The following CLVS1 variants were observed in gnomAD, a reference collection of about 807,000 sequenced individuals.
CLVS1 encodes clavesin 1.
A neutral mutation model predicts 33.1 loss-of-function variants in CLVS1; 10 were observed. The ratio of observed to expected loss-of-function variants is 0.30; its 90% CI spans 0.19 to 0.51. The LOEUF (loss-of-function observed/expected upper bound fraction) is 0.51. CLVS1 is among the 20% of genes least tolerant of loss of function. CLVS1 has a pLI of 0.97. For missense variants in CLVS1, 343 were observed against 433.4 expected, an observed-to-expected ratio of 0.79 and a Z score of 1.85; for synonymous variants, 163 against 166.1, an observed-to-expected ratio of 0.98 and a Z score of 0.14.
chr8:61,238,139 TAAA>T (rs1175553711), intron 2 of CLVS1, among the ~76,000 whole-genome samples: 1 of 152,174 alleles, frequency 6.6e-6, no homozygotes, highest in Non-Finnish European at 1.5e-5. Context: ...ATTTAAGAAA[TAAA>T]GAAGCTATGA....
At chr8:61,171,124 A>T (rs1397618933) in intron 2 of CLVS1, among the ~76,000 whole-genome samples, 1 of 151,986 alleles carries the variant, frequency 6.6e-6, no homozygotes, top group Non-Finnish European at 1.5e-5. Context: ...TCATTTTGTT[A>T]GTTTTAAATT....
At chr8:61,477,477 C>A (rs965677691) in intron 5 of CLVS1, among the ~76,000 whole-genome samples, 1 of 152,154 alleles carries the variant, frequency 6.6e-6, no homozygotes, top group Non-Finnish European at 1.5e-5. Flanking sequence ...CAATTCAGAG[C>A]CTGTTATTGG....
the CLVS1 span, among the ~76,000 whole-genome samples, chr8:60,969,626 C>T: frequency 6.6e-6 from 1 of 152,080 alleles, no homozygotes; most frequent in African/African-American, 2.4e-5. Flanking sequence ...TCAGTTCAGT[C>T]AGTTGGCAGG....
At chr8:61,039,549 T>A in the CLVS1 span, among the ~76,000 whole-genome samples, 1 of 149,970 alleles carries the variant, frequency 6.7e-6, no homozygotes, top group African/African-American at 2.5e-5. Flanking sequence ...TAATTTGAAC[T>A]TTTTTTTTTC....
rs534815130 is a variant in CLVS1, at chr8:61,240,978, A to G, written c.-151-58699A>G. Among the ~76,000 whole-genome samples the G allele has an allele frequency of 5.4e-5, 8 of 148,874 alleles. No individual in the cohort carries two copies. The East Asian group carries it at 1.7e-3, about 32-fold the overall frequency. On this transcript the variant is annotated intron_variant, in intron 2 of 2. Coordinates refer to the CLVS1 transcript ENST00000522621. ...AACTACCATAGACTGGGTGGCTCAT[A>G]AACAGAAATTTATTTCTCACAGTTC...
the CLVS1 span, among the ~76,000 whole-genome samples, chr8:61,034,814 A>G: frequency 6.6e-6 from 1 of 152,198 alleles, no homozygotes; most frequent in Admixed American, 6.5e-5. Context: ...GAAGCAGAGG[A>G]CTTGAAAACA....
chr8:61,043,053 C>A, the CLVS1 span, among the ~76,000 whole-genome samples: 1 of 152,188 alleles, frequency 6.6e-6, no homozygotes, highest in Non-Finnish European at 1.5e-5. Flanking sequence ...CAACCCAAAG[C>A]ACCATCATCA....
At chr8:61,198,600 A>T (rs1241420229) in intron 2 of CLVS1, among the ~76,000 whole-genome samples, 2 of 152,038 alleles carry the variant, frequency 1.3e-5, no homozygotes, top group African/African-American at 4.8e-5. Context: ...GGCTGGTCTC[A>T]AAGTCCTGAC....
chr8:61,112,407 T>G (rs1805645664), intron 1 of CLVS1, among the ~76,000 whole-genome samples: 1 of 152,216 alleles, frequency 6.6e-6, no homozygotes, highest in Non-Finnish European at 1.5e-5. Flanking sequence ...TGGCCTATCA[T>G]TTTCTCTCCT....
chr8:61,300,914 G>C (rs968472157), intron 2 of CLVS1: 1 of 152,150 alleles, frequency 6.6e-6, no homozygotes, highest in Non-Finnish European at 1.5e-5. Context: ...TAACTTTCAA[G>C]TCCTACCACT....
At chr8:61,244,827 A>G (rs1054968014) in intron 2 of CLVS1, among the ~76,000 whole-genome samples, 1 of 152,144 alleles carries the variant, frequency 6.6e-6, no homozygotes, top group Non-Finnish European at 1.5e-5. Flanking sequence ...TTAATCTTTT[A>G]AAATTTTTAT....
At chr8:61,455,615 C>T (rs1817122026) in intron 4 of CLVS1, among the ~76,000 whole-genome samples, 1 of 152,134 alleles carries the variant, frequency 6.6e-6, no homozygotes, top group African/African-American at 2.4e-5. Context: ...TAGGTTGTAT[C>T]CATATCTTGG....
At chr8:61,328,811 C>T (rs574421238) in intron 2 of CLVS1, among the ~76,000 whole-genome samples, 6 of 152,264 alleles carry the variant, frequency 3.9e-5, no homozygotes, top group African/African-American at 7.2e-5. Flanking sequence ...TCCCCTCTAT[C>T]CTCATCCTGC....
At chr8:61,471,610 G>A (rs532898575) in intron 5 of CLVS1, among the ~76,000 whole-genome samples, 2 of 152,218 alleles carry the variant, frequency 1.3e-5, no homozygotes, top group South Asian at 4.1e-4. Context: ...CACGTTGGGA[G>A]CGGGCCACAG....
intron 2 of CLVS1, among the ~76,000 whole-genome samples, chr8:61,158,737 T>A (rs1455357870): frequency 6.6e-6 from 1 of 151,898 alleles, no homozygotes; most frequent in East Asian, 1.9e-4. Flanking sequence ...AAACACTAAA[T>A]GACAATGGTA....
At chr8:61,440,001 G>A (rs966726937) in intron 3 of CLVS1, among the ~76,000 whole-genome samples, 3 of 152,144 alleles carry the variant, frequency 2.0e-5, no homozygotes, top group Non-Finnish European at 2.9e-5. Flanking sequence ...TTGTCTTCAT[G>A]TCTGGTTATC....
intron 2 of CLVS1, among the ~76,000 whole-genome samples, chr8:61,339,811 AAGG>A (rs1208984263): frequency 4.0e-5 from 6 of 150,278 alleles, no homozygotes; most frequent in Non-Finnish European, 8.9e-5. Context: ...AGAGGAAGGA[AAGG>A]AGGGAAAGAA....
intron 5 of CLVS1, among the ~76,000 whole-genome samples, chr8:61,482,050 A>C (rs1228788650): frequency 1.3e-5 from 2 of 152,074 alleles, no homozygotes; most frequent in African/African-American, 4.8e-5. Flanking sequence ...AATATTTGCT[A>C]TTGTGCAGCC....
intron 3 of CLVS1, among the ~76,000 whole-genome samples, chr8:61,429,073 G>A (rs933758510): frequency 1.3e-5 from 2 of 152,070 alleles, no homozygotes; most frequent in African/African-American, 4.8e-5. Context: ...ATATCAGGGC[G>A]CTGGCATCTG....
Sources: allele counts gnomAD v4.1 joint callset (sites outside exome capture counted in the v4.1 genomes callset), GRCh38; gene constraint gnomAD v4.1.1; transcripts MANE v1.5; gene names NCBI Gene and HGNC (gene_info 2026-07-23, HGNC 2026-07-21).